The following CEP63 variants were observed in gnomAD, a reference collection of about 807,000 sequenced individuals.
The protein encoded by CEP63 is centrosomal protein of 63 kDa.
Under a neutral mutation model 89.1 loss-of-function variants are expected in CEP63, and 84 were observed. That is an observed-to-expected ratio of 0.94 (90% CI 0.79 to 1.13). The LOEUF (loss-of-function observed/expected upper bound fraction) is 1.13, where lower values mean the gene tolerates loss of function less well. CEP63 is among the 50% of genes most tolerant of loss of function. CEP63 has a pLI of 0.00. For missense variants in CEP63, 838 were observed against 813.3 expected (o/e 1.03, Z -0.37); for synonymous variants, 267 against 272.5 (o/e 0.98, Z 0.20).
the CEP63 span, chr3:134,651,220 C>T: frequency 7.8e-7 from 1 of 1,287,102 alleles, no homozygotes; most frequent in Non-Finnish European, 9.9e-7. Flanking sequence ...CAAGCCTTGA[C>T]CTGCACCGGG....
chr3:134,541,432 A>G (rs1459135695), intron 6 of CEP63, among the ~76,000 whole-genome samples: 1 of 151,736 alleles, frequency 6.6e-6, no homozygotes, highest in South Asian at 2.1e-4. Flanking sequence ...TATATAATTT[A>G]CTGACTATTA....
chr3:134,691,636 A>G, the CEP63 span, among the ~76,000 whole-genome samples: 1 of 152,176 alleles, frequency 6.6e-6, no homozygotes, highest in Non-Finnish European at 1.5e-5. Context: ...AATATTTCTC[A>G]GTTCATTAAA....
At chr3:134,760,159 C>T in the CEP63 span, among the ~76,000 whole-genome samples, 1 of 150,608 alleles carries the variant, frequency 6.6e-6, no homozygotes, top group Non-Finnish European at 1.5e-5. Flanking sequence ...CCCGGGTTCA[C>T]GCCATTCTCC....
Position 134,564,280 on chromosome 3 carries a change from C to T in CEP63, c.*2745C>T, listed in dbSNP as rs556957332. On this transcript the variant is annotated 3_prime_UTR_variant, in exon 15 of 15. Transcript: ENST00000675561. ...ATTCCTGAGGTGCACCACATCGTTT[C>T]TTTTGTGTTGGTGTGCATGCTGTCC... The T allele has an allele frequency of 1.0e-6, 1 of 985,416 alleles. No individual in the cohort carries two copies. The highest frequency in any genetic ancestry group is 6.1e-5 in the Admixed American group (1 of 16,270). 61.0% of individuals were successfully genotyped at this position (985,416 alleles called of 1,614,324 possible).
At chr3:134,553,903 C>G (rs79815306) in intron 12 of CEP63, among the ~76,000 whole-genome samples, 23 of 136,986 alleles carry the variant, frequency 1.7e-4, no homozygotes, top group Admixed American at 6.3e-4. Flanking sequence ...AAGTATTGTT[C>G]GCAATATCCA....
the CEP63 span, among the ~76,000 whole-genome samples, chr3:134,677,507 C>T: frequency 2.6e-5 from 4 of 152,174 alleles, no homozygotes; most frequent in Admixed American, 2.6e-4. Flanking sequence ...CTACCTCCAT[C>T]TGGGGGAGCT....
chr3:134,557,276 C>T (rs1214892768), intron 12 of CEP63, among the ~76,000 whole-genome samples: 1 of 149,928 alleles, frequency 6.7e-6, no homozygotes, highest in Non-Finnish European at 1.5e-5. Flanking sequence ...ATAGTCACTA[C>T]TTGTACACAG....
downstream of CEP63, among the ~76,000 whole-genome samples, chr3:134,589,449 CA>C (rs1308174304): frequency 6.6e-6 from 1 of 151,986 alleles, no homozygotes; most frequent in Admixed American, 6.6e-5. Flanking sequence ...AGATTGGGAA[CA>C]AGAAAATAAT....
rs376277961 is a variant in CEP63, at chr3:134,558,106, T to A, written c.1468-36T>A. 5.9e-5 allele frequency: 91 copies of A among 1,537,558 alleles called. No homozygotes were observed. In the African/African-American group the frequency reaches 1.1e-3, roughly 18 times the overall value. On this transcript the variant is annotated intron_variant, in intron 12 of 14. Transcript: ENST00000675561. The stretch of plus-strand genomic sequence containing the variant: ...GTATCACAGATCACAGGTATTCTTG[T>A]ACAGATTAAGTGACTCTAGTATTCT...
chr3:134,718,798 G>A, the CEP63 span, among the ~76,000 whole-genome samples: 4 of 152,186 alleles, frequency 2.6e-5, no homozygotes, highest in Non-Finnish European at 5.9e-5. Context: ...TTCCAAAGCG[G>A]ATTTGATCAG....
In CEP63 at chr3:134,584,997, C is replaced by T. The variant is rs544778370; in HGVS notation, c.1207-2461C>T. Among the ~76,000 whole-genome samples, 4 of 121,210 alleles carry T rather than the reference C, an allele frequency of 3.3e-5. No individual in the cohort carries two copies. The South Asian group carries it at 1.1e-3, about 32-fold the overall frequency. The allele number at this position is 121,210 out of a possible 152,430, so 79.5% of individuals were successfully genotyped here. The stretch of plus-strand genomic sequence containing the variant: ...TTTGCATGGAGGTGTTTATAGTATT[C>T]TCTCACGGTAGTTTGTATTTCTGTG... On this transcript the variant is annotated intron_variant, in intron 10 of 10. Coordinates refer to the CEP63 transcript ENST00000683931.
At chr3:134,565,679 A>T (rs182535624), downstream of CEP63, among the ~76,000 whole-genome samples, 3 of 152,182 alleles carry the variant, frequency 2.0e-5, no homozygotes, top group African/African-American at 4.8e-5. Flanking sequence ...TGTCCAGTCC[A>T]GTTGCTAGAG....
At chr3:134,687,641 C>T in the CEP63 span, among the ~76,000 whole-genome samples, 1 of 152,224 alleles carries the variant, frequency 6.6e-6, no homozygotes, top group South Asian at 2.1e-4. Flanking sequence ...GTGGCTGTGA[C>T]AGAACCCCAC....
the CEP63 span, among the ~76,000 whole-genome samples, chr3:134,713,953 C>T: frequency 2.0e-5 from 3 of 152,180 alleles, no homozygotes; most frequent in African/African-American, 4.8e-5. Context: ...TCAGACTGTC[C>T]GAGGCTGGAT....
At chr3:134,550,292 G>A in intron 11 of CEP63, 32 bp downstream of exon 11, 1 of 1,596,342 alleles carries the variant, frequency 6.3e-7, no homozygotes, top group South Asian at 1.1e-5. Flanking sequence ...TTTTAAATTT[G>A]AAATTTGTTT....
At chr3:134,619,908 C>G in the CEP63 span, 1 of 152,652 alleles carries the variant, frequency 6.6e-6, no homozygotes, top group Non-Finnish European at 1.5e-5. Context: ...GGGATGGGAG[C>G]TGAGCTGGGG....
At chr3:134,712,946 T>G in the CEP63 span, among the ~76,000 whole-genome samples, 2 of 152,248 alleles carry the variant, frequency 1.3e-5, no homozygotes, top group African/African-American at 4.8e-5. Context: ...TCCCTTGGAC[T>G]GTTCCAGGCC....
chr3:134,672,623 T>G, the CEP63 span, among the ~76,000 whole-genome samples: 1 of 152,172 alleles, frequency 6.6e-6, no homozygotes, highest in Non-Finnish European at 1.5e-5. Flanking sequence ...ACACTCTCAT[T>G]CCGGGGGCTC....
At chr3:134,618,092 C>A in the CEP63 span, among the ~76,000 whole-genome samples, 185 of 152,160 alleles carry the variant, frequency 1.2e-3, no homozygotes, top group Middle Eastern at 6.8e-3. Flanking sequence ...AGGGATTGGC[C>A]TTGAAAGTGA....
Sources: allele counts gnomAD v4.1 joint callset (sites outside exome capture counted in the v4.1 genomes callset), GRCh38; gene constraint gnomAD v4.1.1; transcripts MANE v1.5; gene names NCBI Gene and HGNC (gene_info 2026-07-23, HGNC 2026-07-21).